CACNA2D3: variants seen among roughly 807,000 people sequenced by gnomAD.
The protein encoded by CACNA2D3 is calcium voltage-gated channel auxiliary subunit alpha2delta 3.
CACNA2D3 carries 60 observed loss-of-function variants against 160.6 expected under a neutral mutation model. The ratio of observed to expected loss-of-function variants is 0.37; its 90% CI spans 0.30 to 0.46. CACNA2D3 has a LOEUF of 0.46. Among genes scored for constraint, CACNA2D3 ranks in the 20% least tolerant of loss-of-function variants. CACNA2D3 has a pLI of 1.00. For synonymous variants in CACNA2D3, 558 were observed against 492.9 expected, an observed-to-expected ratio of 1.13 and a Z score of -1.75; for missense variants, 1,205 against 1,365.0, an observed-to-expected ratio of 0.88 and a Z score of 1.85.
At chr3:54,467,980 A>T (rs1361280993) in intron 4 of CACNA2D3, among the ~76,000 whole-genome samples, 1 of 152,252 alleles carries the variant, frequency 6.6e-6, no homozygotes, top group Non-Finnish European at 1.5e-5. Flanking sequence ...ACATCACATC[A>T]TATTGTGTAA....
chr3:54,592,669 A>G (rs1161261011), intron 9 of CACNA2D3, among the ~76,000 whole-genome samples: 2 of 152,160 alleles, frequency 1.3e-5, no homozygotes, highest in Admixed American at 6.6e-5. Context: ...TGGTTTTATA[A>G]TGAAGATGTC....
In CACNA2D3 at chr3:54,297,139, A is replaced by C. The variant is rs1224040300; in HGVS notation, c.205-23303A>C. Among the ~76,000 whole-genome samples, 3 of 152,168 alleles carry C rather than the reference A, an allele frequency of 2.0e-5. No individual in the cohort carries two copies. In the South Asian group the frequency reaches 6.2e-4, roughly 32 times the overall value. ...GCCTGGATTTAAATCTTTCCCTTCT[A>C]CAAGCCAGCTCTGTGACCTTGGGCA... is the stretch of plus-strand genomic sequence containing the variant. On this transcript the variant is annotated intron_variant, in intron 2 of 37. Transcript: ENST00000474759.
chr3:54,500,487 A>ATCTTCCTTCCTTCCTG (rs1701270773), intron 4 of CACNA2D3, among the ~76,000 whole-genome samples: 1 of 145,584 alleles, frequency 6.9e-6, no homozygotes, highest in Non-Finnish European at 1.5e-5. Context: ...CTTCCTTCCT[A>ATCTTCCTTCCTTCCTG]TCTTCCTTCC....
chr3:54,857,613 A>AT (rs567785832), intron 17 of CACNA2D3, among the ~76,000 whole-genome samples: 50 of 152,324 alleles, frequency 3.3e-4, no homozygotes, highest in African/African-American at 1.1e-3. Context: ...TCACTTTGCC[A>AT]TGTCCCTGCG....
chr3:54,918,260 C>G lies in CACNA2D3; in HGVS notation c.2449+18392C>G. 8.6e-6 allele frequency: 5 copies of G among 579,334 alleles called. No individual in the cohort carries two copies. The South Asian group carries it at 1.1e-4, about 13-fold the overall frequency. The allele number at this position is 579,334 out of a possible 1,614,324, so 35.9% of individuals were successfully genotyped here. A position where few individuals can be genotyped will look rare whatever the true frequency, so the allele number is the denominator to read the frequency against. On this transcript the variant is annotated intron_variant, in intron 27 of 37. Coordinates refer to ENST00000474759, the MANE Select transcript of CACNA2D3 (RefSeq NM_018398.3). ...AGCACAAGTATCATCTTTATTTTAC[C>G]TATAGTATTTTAAAAATCGCAACAT... is the stretch of plus-strand genomic sequence containing the variant.
chr3:54,765,079 A>G (rs549790137), intron 13 of CACNA2D3, among the ~76,000 whole-genome samples: 1 of 152,244 alleles, frequency 6.6e-6, no homozygotes, highest in East Asian at 1.9e-4. Context: ...GCCTCTCTCC[A>G]GTCATTTTTG....
At chr3:54,950,400 C>G (rs115856503) in intron 27 of CACNA2D3, among the ~76,000 whole-genome samples, 1,946 of 152,288 alleles carry the variant, frequency 0.013, 39 homozygotes, top group African/African-American at 0.044. Context: ...TTGCAACCCC[C>G]TCCTCATTTT....
At chr3:54,925,207 G>A in intron 27 of CACNA2D3, 1 of 1,610,854 alleles carries the variant, frequency 6.2e-7, no homozygotes, top group Non-Finnish European at 8.5e-7. Context: ...GAAAACAGGA[G>A]CAGTTCACCT....
At chr3:55,042,306 T>C (rs1322445008) in intron 35 of CACNA2D3, among the ~76,000 whole-genome samples, 1 of 152,176 alleles carries the variant, frequency 6.6e-6, no homozygotes, top group Admixed American at 6.5e-5. Flanking sequence ...AAATTTTTGT[T>C]TCATTATTTT....
At chr3:54,731,878 G>A (rs1187046186) in intron 11 of CACNA2D3, among the ~76,000 whole-genome samples, 4 of 152,038 alleles carry the variant, frequency 2.6e-5, no homozygotes, top group East Asian at 1.9e-4. Flanking sequence ...GGGCAATGGC[G>A]TGGATCAAAA....
At chr3:54,774,569 A>G (rs979032979) in intron 13 of CACNA2D3, among the ~76,000 whole-genome samples, 5 of 151,770 alleles carry the variant, frequency 3.3e-5, no homozygotes, top group African/African-American at 1.2e-4. Flanking sequence ...TTGGGTGGGG[A>G]CATAGACCCA....
intron 3 of CACNA2D3, among the ~76,000 whole-genome samples, chr3:54,375,942 G>T (rs1308650224): frequency 6.6e-6 from 1 of 152,146 alleles, no homozygotes; most frequent in East Asian, 1.9e-4. Flanking sequence ...ATGGATTAAG[G>T]TATTTGTGGA....
intron 35 of CACNA2D3, among the ~76,000 whole-genome samples, chr3:55,052,478 G>T (rs1337056810): frequency 6.6e-6 from 1 of 151,292 alleles, no homozygotes; most frequent in Non-Finnish European, 1.5e-5. Flanking sequence ...ATATAGTGTT[G>T]TTGTTAAAGT....
chr3:54,185,660 T>A (rs1700868331), intron 2 of CACNA2D3, among the ~76,000 whole-genome samples: 1 of 152,216 alleles, frequency 6.6e-6, no homozygotes, highest in Non-Finnish European at 1.5e-5. Context: ...TCTAGGTCTC[T>A]GTTACAAATA....
intron 2 of CACNA2D3, among the ~76,000 whole-genome samples, chr3:54,200,718 T>G (rs1701162338): frequency 6.6e-6 from 1 of 152,236 alleles, no homozygotes; most frequent in Non-Finnish European, 1.5e-5. Context: ...GGAACAAAGC[T>G]GCAGGGAGAA....
At chr3:54,752,698 C>T (rs186672052) in intron 12 of CACNA2D3, 21 bp downstream of exon 12, 104 of 1,574,960 alleles carry the variant, frequency 6.6e-5, no homozygotes, top group East Asian at 2.7e-4. Flanking sequence ...GCATTGTGCT[C>T]GGCTCTGAAT....
intron 31 of CACNA2D3, among the ~76,000 whole-genome samples, chr3:54,998,946 C>G (rs1294274089): frequency 6.6e-6 from 1 of 152,086 alleles, no homozygotes; most frequent in East Asian, 1.9e-4. Context: ...CGGGGTTTCA[C>G]TATTTTAGCC....
intron 14 of CACNA2D3, among the ~76,000 whole-genome samples, chr3:54,827,232 A>C (rs1703767094): frequency 6.6e-6 from 1 of 152,238 alleles, no homozygotes; most frequent in Non-Finnish European, 1.5e-5. Flanking sequence ...TAACTCCTTC[A>C]CTTGTGAAAT....
intron 5 of CACNA2D3, among the ~76,000 whole-genome samples, chr3:54,556,167 G>A (rs1702239370): frequency 6.6e-6 from 1 of 152,176 alleles, no homozygotes; most frequent in Admixed American, 6.5e-5. Context: ...CTGATCTCCA[G>A]TACCTGCAAA....
Sources: allele counts gnomAD v4.1 joint callset (sites outside exome capture counted in the v4.1 genomes callset), GRCh38; gene constraint gnomAD v4.1.1; transcripts MANE v1.5; gene names NCBI Gene and HGNC (gene_info 2026-07-23, HGNC 2026-07-21).